Variants in LDLRAD1 observed in about 807,000 individuals in gnomAD.
The protein encoded by LDLRAD1 is low density lipoprotein receptor class A domain containing 1.
LDLRAD1 carries 17 observed loss-of-function variants against 24.8 expected under a neutral mutation model. That is an observed-to-expected ratio of 0.69 (90% CI 0.47 to 1.03). LDLRAD1 has a LOEUF of 1.03. LDLRAD1 is among the 50% of genes least tolerant of loss of function. LDLRAD1 has a pLI of 0.00. For missense variants in LDLRAD1, 277 were observed against 271.0 expected, an observed-to-expected ratio of 1.02 and a Z score of -0.16; for synonymous variants, 103 against 108.2, an observed-to-expected ratio of 0.95 and a Z score of 0.30.
rs761106479 is a variant in LDLRAD1 at position 54,017,398 on chromosome 1, G to T, written c.51C>A (p.Ser17=). ...TACCTTCCCCTCCAGGGTGGGCTTT[G>T]GATTCAGCAGCAGTGTAGCCATTCT... is the stretch of plus-strand genomic sequence containing the variant. ...QGENGYTAAE[S]KAHPGGEAGG... Residue 17 remains serine (S), a synonymous_variant, in exon 2 of 6, where the codon TCC becomes TCA. Coordinates refer to ENST00000371360, the MANE Select transcript of LDLRAD1 (RefSeq NM_001010978.4). The T allele has an allele frequency of 8.7e-6, 14 of 1,603,600 alleles. No homozygotes were observed. Among genetic ancestry groups the T allele is most frequent in the Middle Eastern group, 1.7e-4 (1 of 6,058 alleles).
At chr1:54,015,645 GTT>G (rs974300554) in intron 2 of LDLRAD1, among the ~76,000 whole-genome samples, 18 of 122,786 alleles carry the variant, frequency 1.5e-4, no homozygotes, top group Non-Finnish European at 1.9e-4. Flanking sequence ...GGGGGCTTTT[GTT>G]TTTTTTGTTT....
chr1:54,017,323 C>T (rs751033561), intron 2 of LDLRAD1, 53 bp downstream of exon 2: 30 of 1,476,396 alleles, frequency 2.0e-5, no homozygotes, highest in Non-Finnish European at 2.8e-5. Context: ...CGCCAACTGC[C>T]AGCTTCAAGG....
intron 1 of LDLRAD1, among the ~76,000 whole-genome samples, chr1:54,017,821 G>A (rs1479402711): frequency 6.6e-6 from 1 of 152,088 alleles, no homozygotes; most frequent in African/African-American, 2.4e-5. Context: ...TGGGTCATTG[G>A]TAGGGTCCCC....
intron 5 of LDLRAD1, 71 bp downstream of exon 5, chr1:54,010,211 C>T: frequency 6.4e-7 from 1 of 1,569,116 alleles, no homozygotes; most frequent in East Asian, 2.2e-5. Flanking sequence ...CTAGAGATTC[C>T]CTGCTCACCC....
In LDLRAD1 at chr1:54,008,874, C is replaced by CTCGGTGGTCGCCGTA; in HGVS notation, c.*107_*108insTACGGCGACCACCGA. The stretch of plus-strand genomic sequence containing the variant: ...TCCTATTCAGAAATGATGTGTAGAT[C>CTCGGTGGTCGCCGTA]CCATTTCAAAGGCTGCTTCCTGCCC... On this transcript the variant is annotated 3_prime_UTR_variant, in exon 6 of 6. Transcript: ENST00000371360. 1 of 992,500 alleles carries CTCGGTGGTCGCCGTA rather than the reference C, an allele frequency of 1.0e-6. No homozygotes were observed. The highest frequency in any genetic ancestry group is 1.5e-6 in the Non-Finnish European group (1 of 665,242). 61.5% of individuals were successfully genotyped at this position (992,500 alleles called of 1,614,324 possible). A position where few individuals can be genotyped will look rare whatever the true frequency, so the allele number is the denominator to read the frequency against.
At position 54,017,863 on chromosome 1, in the gene LDLRAD1, G is replaced by A. The variant is rs116763771; in HGVS notation, c.21+229C>T. 7.0e-3 allele frequency among the ~76,000 whole-genome samples: 1,062 copies of A among 152,162 alleles called. 11 individuals carry two copies. Among genetic ancestry groups the A allele is most frequent in the African/African-American group, 0.025 (1,020 of 41,502 alleles). On this transcript the variant is annotated intron_variant, in intron 1 of 5. Transcript: ENST00000371360. ...CTGGGAGTGAGCCCCGGGGCAGGACGGGGGCTGATTTTCCTCCGTGTCTCC... is the reference window on the plus strand; with the variant it reads ...CTGGGAGTGAGCCCCGGGGCAGGACAGGGGCTGATTTTCCTCCGTGTCTCC...
At chr1:54,012,309 G>T in intron 3 of LDLRAD1, 29 bp from the exon 4 acceptor site, 1 of 1,612,796 alleles carries the variant, frequency 6.2e-7, no homozygotes. Flanking sequence ...GCCCTGGAGG[G>T]TCAAGGGTGG....
At chr1:54,014,619 C>A (rs1378224280) in intron 2 of LDLRAD1, among the ~76,000 whole-genome samples, 1 of 152,218 alleles carries the variant, frequency 6.6e-6, no homozygotes, top group African/African-American at 2.4e-5. Context: ...GGACAGCCCT[C>A]CCCTCCCACC....
chr1:54,010,136 G>A, intron 5 of LDLRAD1, 146 bp downstream of exon 5: 1 of 833,056 alleles, frequency 1.2e-6, no homozygotes, highest in Non-Finnish European at 1.8e-6. Context: ...CCCCATCACA[G>A]GATGTATTCA....
rs192965292 is a variant in LDLRAD1, at chr1:54,007,764, C to T, written c.*1218G>A. On this transcript the variant is annotated 3_prime_UTR_variant, in exon 6 of 6. Transcript: ENST00000371360. ...ACCTGACAAGCTCACTTTTAAAATA[C>T]CCCGCAGAGACTGCCCTGGCCAAGG... 5.9e-5 allele frequency: 9 copies of T among 152,420 alleles called. No individual in the cohort carries two copies. Among genetic ancestry groups the T allele is most frequent in the Non-Finnish European group, 5.9e-5 (4 of 68,110 alleles). 9.4% of individuals were successfully genotyped at this position (152,420 alleles called of 1,614,324 possible).
At chr1:54,011,048 G>A (rs1362845292) in intron 4 of LDLRAD1, among the ~76,000 whole-genome samples, 1 of 152,218 alleles carries the variant, frequency 6.6e-6, no homozygotes, top group African/African-American at 2.4e-5. Flanking sequence ...ATGTTTCTGA[G>A]GCCTGTCCAG....
intron 2 of LDLRAD1, among the ~76,000 whole-genome samples, chr1:54,015,360 G>T (rs1213345144): frequency 6.6e-6 from 1 of 152,190 alleles, no homozygotes; most frequent in Non-Finnish European, 1.5e-5. Context: ...TGCTCTTGTA[G>T]AACTGTACTT....
intron 2 of LDLRAD1, 39 bp from the exon 3 acceptor site, chr1:54,014,403 AG>A: frequency 6.7e-7 from 1 of 1,496,964 alleles, no homozygotes; most frequent in Non-Finnish European, 9.0e-7. Flanking sequence ...TGGTGGTGAT[AG>A]GGGGCCAGCG....
intron 4 of LDLRAD1, among the ~76,000 whole-genome samples, 156 bp downstream of exon 4, chr1:54,011,987 T>C (rs78761727): frequency 0.012 from 1,801 of 152,290 alleles, 36 homozygotes; most frequent in African/African-American, 0.039. Flanking sequence ...TGTGTGTCCC[T>C]GACTGGGACC....
intron 2 of LDLRAD1, among the ~76,000 whole-genome samples, chr1:54,014,631 G>A (rs950819415): frequency 1.4e-5 from 2 of 144,142 alleles, no homozygotes; most frequent in Non-Finnish European, 3.1e-5. Context: ...CCTCCCACCC[G>A]CCATCAGGAG....
In LDLRAD1 at chr1:54,014,248, A is replaced by G. The variant is rs746563764; in HGVS notation, c.190T>C (p.Ser64Pro). 2.6e-6 allele frequency: 4 copies of G among 1,563,320 alleles called. No homozygotes were observed. Among genetic ancestry groups the G allele is most frequent in the Non-Finnish European group, 3.5e-6 (4 of 1,153,530 alleles). ...TGGCCGCCCTGACCTGGGGTGCATG[A>G]TGGGAGTCCAAGAATGGTGACCAAG... is the stretch of plus-strand genomic sequence containing the variant. ...IALVTILGLP[S>P]CTPGAQACIT... The change falls in exon 3 of 6, where the codon TCA becomes CCA. Residue 64 changes from serine (S) to proline (P), a missense_variant. By Grantham distance (74) the Ser-to-Pro change is moderately conservative. Transcript: ENST00000371360.
At position 54,008,868 on chromosome 1, in the gene LDLRAD1, G is replaced by T. The variant is rs1005414556; in HGVS notation, c.*114C>A. On this transcript the variant is annotated 3_prime_UTR_variant, in exon 6 of 6. Transcript: ENST00000371360. ...GAAAATTCCTATTCAGAAATGATGT[G>T]TAGATCCCATTTCAAAGGCTGCTTC... 6.3e-6 allele frequency: 6 copies of T among 957,824 alleles called. No homozygotes were observed. In the South Asian group the frequency reaches 6.7e-5, roughly 11 times the overall value. 59.3% of individuals were successfully genotyped at this position (957,824 alleles called of 1,614,324 possible).
At position 54,008,464 on chromosome 1, in the gene LDLRAD1, A is replaced by C. The variant is rs1655901276; in HGVS notation, c.*518T>G. On this transcript the variant is annotated 3_prime_UTR_variant, in exon 6 of 6. Transcript: ENST00000371360. ...AGGATCCACAAGTATGCCTTGGAGC[A>C]GTTAGCAGATTTCCTCTGTGTGGCC... 6.5e-6 allele frequency: 1 copy of C among 153,560 alleles called. No individual in the cohort carries two copies. Among genetic ancestry groups the C allele is most frequent in the African/African-American group, 2.4e-5 (1 of 41,476 alleles). The allele number at this position is 153,560 out of a possible 1,614,324, so 9.5% of individuals were successfully genotyped here. A position where few individuals can be genotyped will look rare whatever the true frequency, so the allele number is the denominator to read the frequency against.
Position 54,013,682 on chromosome 1 carries a change from C to A in LDLRAD1, c.202+554G>T, listed in dbSNP as rs910059036. ...CCCCCCACTACTAATACCCATTGTT[C>A]CTACCCTGACTCCTCAATGGGGCTA... On this transcript the variant is annotated intron_variant, in intron 3 of 5. Transcript: ENST00000371360. Among the ~76,000 whole-genome samples, 6 of 152,138 alleles carry A rather than the reference C, an allele frequency of 3.9e-5. No homozygotes were observed. In the South Asian group the frequency reaches 6.2e-4, roughly 16 times the overall value.
Sources: allele counts gnomAD v4.1 joint callset (sites outside exome capture counted in the v4.1 genomes callset), GRCh38; gene constraint gnomAD v4.1.1; transcripts MANE v1.5; gene names NCBI Gene and HGNC (gene_info 2026-07-23, HGNC 2026-07-21).